EYA1: variants seen among roughly 807,000 people sequenced by gnomAD.
EYA1 encodes the protein EYA transcriptional coactivator and phosphatase 1.
In EYA1, 16 loss-of-function variants were observed where a neutral mutation model predicts 82.0. The observed-to-expected ratio is 0.20, with a 90% CI of 0.13 to 0.30. The LOEUF (loss-of-function observed/expected upper bound fraction) is 0.30, where lower values mean the gene tolerates loss of function less well. EYA1 is among the 10% of genes least tolerant of loss of function. The pLI, the probability that EYA1 is intolerant of heterozygous loss-of-function variation, is 1.00. For synonymous variants in EYA1, 261 were observed against 264.4 expected, an observed-to-expected ratio of 0.99 and a Z score of 0.12; for missense variants, 633 against 730.7, an observed-to-expected ratio of 0.87 and a Z score of 1.54.
At chr8:71,205,380 T>G (rs1457154997) in intron 17 of EYA1, among the ~76,000 whole-genome samples, 2 of 152,044 alleles carry the variant, frequency 1.3e-5, no homozygotes, top group Non-Finnish European at 2.9e-5. Context: ...TCATTTTCTC[T>G]CAAGCCATGT....
chr8:71,242,069 C>T (rs1488346411), intron 12 of EYA1, among the ~76,000 whole-genome samples: 1 of 152,014 alleles, frequency 6.6e-6, no homozygotes, highest in African/African-American at 2.4e-5. Context: ...ATTAGCCACG[C>T]ATGGTGGTGT....
chr8:71,472,742 C>T (rs933673323), intron 2 of EYA1, among the ~76,000 whole-genome samples: 2 of 145,090 alleles, frequency 1.4e-5, no homozygotes, highest in South Asian at 2.2e-4. Context: ...ACCAGTATAC[C>T]ATGCAAGTAT....
At chr8:71,297,127 T>C (rs1239596918) in intron 9 of EYA1, among the ~76,000 whole-genome samples, 3 of 152,234 alleles carry the variant, frequency 2.0e-5, no homozygotes, top group Middle Eastern at 3.4e-3. Flanking sequence ...GATAATGAAA[T>C]TAAAATAAGT....
chr8:71,514,574 C>T (rs1396394213), intron 2 of EYA1, among the ~76,000 whole-genome samples: 5 of 152,152 alleles, frequency 3.3e-5, no homozygotes, highest in South Asian at 4.2e-4. Flanking sequence ...GGATGTGAAA[C>T]GCACTTCTTA....
At chr8:71,307,720 AC>A (rs1375578020) in intron 7 of EYA1, among the ~76,000 whole-genome samples, 2 of 152,184 alleles carry the variant, frequency 1.3e-5, no homozygotes, top group Non-Finnish European at 2.9e-5. Flanking sequence ...AGCGATGAAT[AC>A]CACTGGACCC....
chr8:71,395,464 C>G (rs1829541061), intron 2 of EYA1, among the ~76,000 whole-genome samples: 1 of 152,044 alleles, frequency 6.6e-6, no homozygotes, highest in Non-Finnish European at 1.5e-5. Flanking sequence ...GAGATATGTC[C>G]CATCATTACC....
At chr8:71,445,961 A>C (rs1309381327) in intron 2 of EYA1, among the ~76,000 whole-genome samples, 1 of 152,206 alleles carries the variant, frequency 6.6e-6, no homozygotes, top group African/African-American at 2.4e-5. Context: ...CTAGAATAAT[A>C]AACTAGGAGA....
chr8:71,387,674 G>A (rs1211673417), intron 2 of EYA1, among the ~76,000 whole-genome samples: 1 of 152,056 alleles, frequency 6.6e-6, no homozygotes, highest in African/African-American at 2.4e-5. Context: ...CAGAGATCAA[G>A]AACAGAGAAA....
upstream of EYA1, among the ~76,000 whole-genome samples, chr8:71,365,192 A>G (rs955416329): frequency 1.3e-5 from 2 of 151,714 alleles, no homozygotes; most frequent in African/African-American, 4.8e-5. Flanking sequence ...TAAACACGAG[A>G]AAACAAAGGA....
chr8:71,352,001 C>T (rs1056463292), intron 3 of EYA1, among the ~76,000 whole-genome samples: 9 of 152,038 alleles, frequency 5.9e-5, no homozygotes, highest in South Asian at 2.1e-4. Flanking sequence ...AATTGGGCTG[C>T]GGAGAAGTCA....
chr8:71,387,875 G>T (rs577213031), intron 2 of EYA1, among the ~76,000 whole-genome samples: 4 of 152,056 alleles, frequency 2.6e-5, no homozygotes, highest in Non-Finnish European at 5.9e-5. Context: ...AACAATTAGG[G>T]TGAGTGTGTA....
At chr8:71,265,818 A>G (rs1425009391) in intron 11 of EYA1, among the ~76,000 whole-genome samples, 1 of 152,236 alleles carries the variant, frequency 6.6e-6, no homozygotes. Context: ...TATTTAAAAC[A>G]TCCTAGTTTA....
At chr8:71,234,245 G>A (rs963111762) in intron 12 of EYA1, among the ~76,000 whole-genome samples, 4 of 152,056 alleles carry the variant, frequency 2.6e-5, no homozygotes, top group African/African-American at 9.7e-5. Context: ...CTGACATCCA[G>A]ACATGCCTAA....
chr8:71,515,630 C>T (rs1812918132), intron 2 of EYA1, among the ~76,000 whole-genome samples: 1 of 151,970 alleles, frequency 6.6e-6, no homozygotes, highest in South Asian at 2.1e-4. Context: ...TTTCTTAACC[C>T]AAGTCTTTTT....
intron 1 of EYA1, among the ~76,000 whole-genome samples, chr8:71,537,197 A>G (rs984943388): frequency 6.6e-6 from 1 of 152,244 alleles, no homozygotes; most frequent in Non-Finnish European, 1.5e-5. Context: ...ATAAATAACT[A>G]GATTCTTAAA....
intron 2 of EYA1, among the ~76,000 whole-genome samples, chr8:71,481,417 A>C (rs540465437): frequency 2.6e-5 from 4 of 152,364 alleles, no homozygotes; most frequent in African/African-American, 9.6e-5. Context: ...TGAACTGAGA[A>C]TAATGATCAA....
chr8:71,255,417 T>G (rs985437531), intron 11 of EYA1, among the ~76,000 whole-genome samples: 2 of 152,158 alleles, frequency 1.3e-5, no homozygotes, highest in African/African-American at 4.8e-5. Context: ...CAATGGAATA[T>G]AGAGAGAGAC....
chr8:71,201,013 A>C (rs1385058962), intron 17 of EYA1, among the ~76,000 whole-genome samples: 1 of 144,940 alleles, frequency 6.9e-6, no homozygotes, highest in African/African-American at 2.6e-5. Flanking sequence ...CATTGTTGGC[A>C]TACTAGATGG....
chr8:71,325,273 A>G (rs1299832170), intron 4 of EYA1, among the ~76,000 whole-genome samples: 2 of 152,100 alleles, frequency 1.3e-5, no homozygotes, highest in East Asian at 3.8e-4. Flanking sequence ...ACATTCCACC[A>G]CAGAGACTAA....
Sources: gnomAD v4.1 joint callset for allele counts (sites outside exome capture counted in the v4.1 genomes callset) on GRCh38, gnomAD v4.1.1 for gene constraint, MANE v1.5 for transcripts, NCBI Gene and HGNC (gene_info 2026-07-23, HGNC 2026-07-21) for gene names.